EEF1AKMT2: variants seen among roughly 807,000 people sequenced by gnomAD.
The protein encoded by EEF1AKMT2 is eukaryotic translation elongation factor 1 alpha lysine methyltransferase 2.
A neutral mutation model predicts 35.8 loss-of-function variants in EEF1AKMT2; 32 were observed. The observed-to-expected ratio is 0.89, with a 90% CI of 0.67 to 1.20. The LOEUF (loss-of-function observed/expected upper bound fraction) is 1.20. Among genes scored for constraint, EEF1AKMT2 ranks in the 50% most tolerant of loss-of-function variants. The probability of loss-of-function intolerance (pLI) is 0.00; values close to 1 mark genes in which losing one functional copy is unlikely to be tolerated. For missense variants in EEF1AKMT2, 330 were observed against 347.5 expected (o/e 0.95, Z 0.40); for synonymous variants, 121 against 133.7 (o/e 0.91, Z 0.65).
rs1232194007 is a variant in EEF1AKMT2 at position 124,758,936 on chromosome 10, C to T, written c.*1567G>A. ...GTTATTTTTGTTGACAGTCCACATACATGTCTTCAACTATCTTGTCTTAAT... is the reference window on the plus strand; with the variant it reads ...GTTATTTTTGTTGACAGTCCACATATATGTCTTCAACTATCTTGTCTTAAT... On this transcript the variant is annotated 3_prime_UTR_variant, in exon 7 of 7. Coordinates refer to ENST00000368836, the MANE Select transcript of EEF1AKMT2 (RefSeq NM_212554.4). 6.6e-6 allele frequency: 1 copy of T among 152,164 alleles called. No individual in the cohort carries two copies. Among genetic ancestry groups the T allele is most frequent in the East Asian group, 1.9e-4 (1 of 5,202 alleles). The allele number at this position is 152,164 out of a possible 1,614,324, so 9.4% of individuals were successfully genotyped here.
intron 2 of EEF1AKMT2, among the ~76,000 whole-genome samples, chr10:124,789,466 G>A (rs777542741): frequency 2.0e-4 from 30 of 152,142 alleles, no homozygotes; most frequent in Non-Finnish European, 3.1e-4. Flanking sequence ...GTCATCAAAC[G>A]TAAATGTGAG....
chr10:124,779,062 C>A (rs1950513523), intron 3 of EEF1AKMT2, among the ~76,000 whole-genome samples: 1 of 151,792 alleles, frequency 6.6e-6, no homozygotes, highest in Admixed American at 6.6e-5. Context: ...AAATATACAC[C>A]AACACCTAAT....
intron 2 of EEF1AKMT2, 82 bp from the exon 3 acceptor site, chr10:124,789,239 A>ATGCT (rs1327143496): frequency 4.8e-6 from 4 of 834,614 alleles, no homozygotes; most frequent in African/African-American, 3.5e-5. Context: ...TTTATACCAT[A>ATGCT]TGCTCAAACT....
rs1950298620 is a variant in EEF1AKMT2, at chr10:124,757,895, A to T, written c.*2608T>A. Reference sequence around the variant, plus strand: ...GATATCAGGTTTGATTCTCACATACATAAATGCCAGTCCCAAAAAGCAACT... The same window carrying T: ...GATATCAGGTTTGATTCTCACATACTTAAATGCCAGTCCCAAAAAGCAACT... On this transcript the variant is annotated 3_prime_UTR_variant, in exon 7 of 7. Transcript: ENST00000368836. The T allele has an allele frequency of 6.6e-6, 1 of 152,230 alleles. No homozygotes were observed. Among genetic ancestry groups the T allele is most frequent in the Non-Finnish European group, 1.5e-5 (1 of 68,032 alleles). The allele number at this position is 152,230 out of a possible 1,614,324, so 9.4% of individuals were successfully genotyped here.
intron 4 of EEF1AKMT2, among the ~76,000 whole-genome samples, chr10:124,774,096 G>A (rs752639728): frequency 3.9e-5 from 6 of 152,036 alleles, no homozygotes; most frequent in Non-Finnish European, 5.9e-5. Flanking sequence ...GGCAGGGCGC[G>A]GTGGCTCACG....
chr10:124,765,959 T>A (rs532869824), intron 4 of EEF1AKMT2, among the ~76,000 whole-genome samples: 1 of 152,262 alleles, frequency 6.6e-6, no homozygotes, highest in East Asian at 1.9e-4. Flanking sequence ...ATTTGACATA[T>A]TCTTAAAAAT....
chr10:124,780,628 A>G (rs1950531753), intron 3 of EEF1AKMT2, among the ~76,000 whole-genome samples: 1 of 152,178 alleles, frequency 6.6e-6, no homozygotes, highest in Admixed American at 6.5e-5. Flanking sequence ...AGAAAAATTG[A>G]CATTTCATGT....
At chr10:124,785,932 C>A (rs1465577595) in intron 3 of EEF1AKMT2, among the ~76,000 whole-genome samples, 2 of 144,954 alleles carry the variant, frequency 1.4e-5, no homozygotes, top group African/African-American at 5.0e-5. Flanking sequence ...ACACAAGTGG[C>A]AAACAAGCAC....
At chr10:124,765,252 C>A in intron 5 of EEF1AKMT2, 140 bp downstream of exon 5, 1 of 665,386 alleles carries the variant, frequency 1.5e-6, no homozygotes, top group South Asian at 1.9e-5. Context: ...AAGTTATTGT[C>A]AAGGTAATTA....
At chr10:124,769,248 A>ATATATATATACGTG (rs60863408) in intron 4 of EEF1AKMT2, among the ~76,000 whole-genome samples, 1 of 63,822 alleles carries the variant, frequency 1.6e-5, no homozygotes, top group Non-Finnish European at 2.9e-5. Context: ...ATATATATAT[A>ATATATATATACGTG]TGTGTGTATA....
At chr10:124,790,472 A>G in intron 1 of EEF1AKMT2, 134 bp from the exon 2 acceptor site, 1 of 666,766 alleles carries the variant, frequency 1.5e-6, no homozygotes, top group Non-Finnish European at 2.7e-6. Flanking sequence ...ATAAATACAC[A>G]TAGTTCAATC....
Position 124,758,088 on chromosome 10 carries a change from C to T in EEF1AKMT2, c.*2415G>A, listed in dbSNP as rs991449037. 6 of 152,164 alleles carry T rather than the reference C, an allele frequency of 3.9e-5. No individual in the cohort carries two copies. The highest frequency in any genetic ancestry group is 1.4e-4 in the African/African-American group (6 of 41,444). 9.4% of individuals were successfully genotyped at this position (152,164 alleles called of 1,614,324 possible). On this transcript the variant is annotated 3_prime_UTR_variant, in exon 7 of 7. Transcript: ENST00000368836. ...TAATCATAGTGAAAAGCAGCAATTC[C>T]GTGAAGGCTCCACAGAGAAATCGCG... is the stretch of plus-strand genomic sequence containing the variant.
At chr10:124,778,193 T>A (rs1221482986) in intron 3 of EEF1AKMT2, among the ~76,000 whole-genome samples, 1 of 146,770 alleles carries the variant, frequency 6.8e-6, no homozygotes, top group East Asian at 2.0e-4. Flanking sequence ...ACACAGTCTA[T>A]ACATACACAC....
chr10:124,787,907 C>G (rs972639129), intron 3 of EEF1AKMT2, among the ~76,000 whole-genome samples: 1 of 152,112 alleles, frequency 6.6e-6, no homozygotes, highest in Non-Finnish European at 1.5e-5. Context: ...TGTACACACA[C>G]TATATCTCAA....
chr10:124,763,480 G>A (rs1950350078), intron 5 of EEF1AKMT2, among the ~76,000 whole-genome samples: 1 of 152,152 alleles, frequency 6.6e-6, no homozygotes, highest in Non-Finnish European at 1.5e-5. Context: ...GCAAGGCAGT[G>A]TATTCTGTTA....
chr10:124,780,476 C>G (rs933623559), intron 3 of EEF1AKMT2, among the ~76,000 whole-genome samples: 1 of 152,170 alleles, frequency 6.6e-6, no homozygotes, highest in Admixed American at 6.5e-5. Flanking sequence ...AATGTGTGGA[C>G]TTAACAGCAA....
intron 4 of EEF1AKMT2, among the ~76,000 whole-genome samples, chr10:124,771,588 G>A (rs1334703105): frequency 4.0e-5 from 6 of 151,872 alleles, no homozygotes; most frequent in African/African-American, 1.2e-4. Flanking sequence ...AAGATTAATC[G>A]GCTGGGCATG....
intron 3 of EEF1AKMT2, among the ~76,000 whole-genome samples, chr10:124,777,279 CAAAAA>C (rs768724237): frequency 1.6e-5 from 1 of 62,804 alleles, no homozygotes; most frequent in Admixed American, 1.7e-4. Context: ...AACTCTGACT[CAAAAA>C]AAAAAAAAAA....
At chr10:124,782,299 C>T (rs562652113) in intron 3 of EEF1AKMT2, among the ~76,000 whole-genome samples, 1 of 151,818 alleles carries the variant, frequency 6.6e-6, no homozygotes, top group South Asian at 2.1e-4. Context: ...GAGTTCAAGA[C>T]CGGCCGGGTG....
Sources: gnomAD v4.1 joint callset for allele counts (sites outside exome capture counted in the v4.1 genomes callset) on GRCh38, gnomAD v4.1.1 for gene constraint, MANE v1.5 for transcripts, NCBI Gene and HGNC (gene_info 2026-07-23, HGNC 2026-07-21) for gene names.